The following PARD3B variants were observed in gnomAD, a reference collection of about 807,000 sequenced individuals.
PARD3B encodes the protein par-3 family cell polarity regulator beta.
PARD3B carries 103 observed loss-of-function variants against 130.2 expected under a neutral mutation model. The observed-to-expected ratio is 0.79, with a 90% CI of 0.67 to 0.93. The LOEUF (loss-of-function observed/expected upper bound fraction) is 0.93, where lower values mean the gene tolerates loss of function less well. PARD3B is among the 40% of genes least tolerant of loss of function. The probability of loss-of-function intolerance (pLI) is 0.00; values close to 1 mark genes in which losing one functional copy is unlikely to be tolerated. For synonymous variants in PARD3B, 583 were observed against 553.2 expected (o/e 1.05, Z -0.76); for missense variants, 1,609 against 1,499.2 (o/e 1.07, Z -1.21).
At chr2:204,639,385 A>T (rs542557094) in intron 1 of PARD3B, among the ~76,000 whole-genome samples, 2 of 152,154 alleles carry the variant, frequency 1.3e-5, no homozygotes, top group South Asian at 4.1e-4. Context: ...TTGTTCAGGT[A>T]CTAAATATGT....
In PARD3B at chr2:205,113,576, A is replaced by G. The variant is rs1282440922; in HGVS notation, c.679A>G (p.Arg227Gly). 5 of 1,609,032 alleles carry G rather than the reference A, an allele frequency of 3.1e-6. No individual in the cohort carries two copies. Among genetic ancestry groups the G allele is most frequent in the Non-Finnish European group, 4.2e-6 (5 of 1,176,666 alleles). ...VVPFFSSLSG[R>G]ILGLFIRGIE... Reference sequence around the variant, plus strand: ...GCCCTTCTTTTCATCTCTGAGTGGAAGGTAAGATGTTTTTCTCATTCCAGA... The same window carrying G: ...GCCCTTCTTTTCATCTCTGAGTGGAGGGTAAGATGTTTTTCTCATTCCAGA... The change falls in exon 6 of 23, where the codon AGG becomes GGG. Residue 227 changes from arginine to glycine, a missense_variant and splice_region_variant. By Grantham distance (125) the Arg-to-Gly change is moderately radical. Transcript: ENST00000406610.
chr2:205,505,381 A>G (rs2050320669), intron 21 of PARD3B, among the ~76,000 whole-genome samples: 1 of 130,974 alleles, frequency 7.6e-6, no homozygotes, highest in Admixed American at 8.5e-5. Context: ...CCTAAAACTT[A>G]AATAATAAAA....
At chr2:205,097,885 A>G (rs905009229) in intron 4 of PARD3B, among the ~76,000 whole-genome samples, 3 of 151,944 alleles carry the variant, frequency 2.0e-5, no homozygotes, top group African/African-American at 4.8e-5. Flanking sequence ...ATTAATTGCT[A>G]AGACTGAAAC....
intron 2 of PARD3B, among the ~76,000 whole-genome samples, chr2:204,868,578 G>A (rs1400648091): frequency 1.3e-5 from 2 of 152,100 alleles, no homozygotes; most frequent in African/African-American, 2.4e-5. Flanking sequence ...CGTGAAACCC[G>A]GAGAATTTGA....
rs1486823329 is a variant in PARD3B at position 204,678,879 on chromosome 2, G to C, written c.121-7302G>C. On this transcript the variant is annotated intron_variant, in intron 1 of 22. Transcript: ENST00000406610. The surrounding 1 kb of genome is among the most constrained non-coding windows in gnomAD (Gnocchi z 4.2). ...TCTATCCAGTATTTCCCTGCCTCCT[G>C]TCGGTATCGCTAACATACAGATCAA... 6.6e-6 allele frequency among the ~76,000 whole-genome samples: 1 copy of C among 152,124 alleles called. No individual in the cohort carries two copies. Among genetic ancestry groups the C allele is most frequent in the Admixed American group, 6.5e-5 (1 of 15,274 alleles).
chr2:205,369,635 A>C (rs1168442235), intron 18 of PARD3B, among the ~76,000 whole-genome samples: 1 of 152,218 alleles, frequency 6.6e-6, no homozygotes, highest in East Asian at 1.9e-4. Flanking sequence ...TTCAAGACCC[A>C]GGTCAAGTCC....
intron 2 of PARD3B, among the ~76,000 whole-genome samples, chr2:204,764,864 C>A (rs1395741852): frequency 6.6e-6 from 1 of 152,038 alleles, no homozygotes; most frequent in African/African-American, 2.4e-5. Context: ...TCCCTCCTCC[C>A]TCCTGCGCTG....
intron 15 of PARD3B, among the ~76,000 whole-genome samples, chr2:205,237,612 A>G (rs1157793844): frequency 1.3e-5 from 2 of 152,154 alleles, no homozygotes; most frequent in South Asian, 2.1e-4. Context: ...TTTTAGAAAT[A>G]TAGTGTGATT....
At chr2:205,204,581 A>C (rs1279779703) in intron 15 of PARD3B, among the ~76,000 whole-genome samples, 1 of 152,108 alleles carries the variant, frequency 6.6e-6, no homozygotes, top group African/African-American at 2.4e-5. Context: ...TTATGGTTTT[A>C]GGCATTATTT....
intron 16 of PARD3B, among the ~76,000 whole-genome samples, chr2:205,284,617 G>C (rs978548374): frequency 6.6e-6 from 1 of 152,088 alleles, no homozygotes; most frequent in Non-Finnish European, 1.5e-5. Context: ...AAACAATCCT[G>C]CTTTGCTTCC....
In PARD3B at chr2:205,047,755, G is replaced by C. The variant is rs559613747; in HGVS notation, c.504+65G>C. The C allele has an allele frequency of 1.5e-5, 18 of 1,207,106 alleles. No individual in the cohort carries two copies. The East Asian group carries it at 1.5e-4, about 10-fold the overall frequency. The allele number at this position is 1,207,106 out of a possible 1,614,324, so 74.8% of individuals were successfully genotyped here. A position where few individuals can be genotyped will look rare whatever the true frequency, so the allele number is the denominator to read the frequency against. ...AGTGCTGTACCCATAGGTTAAGTGG[G>C]ACTTTGCAGTTTTAAACACATTGAT... On this transcript the variant is annotated intron_variant, in intron 4 of 22. Transcript: ENST00000406610.
intron 2 of PARD3B, among the ~76,000 whole-genome samples, chr2:204,788,955 A>T (rs1409216957): frequency 6.6e-6 from 1 of 152,142 alleles, no homozygotes; most frequent in South Asian, 2.1e-4. Flanking sequence ...AGATTTTTAG[A>T]ACTTTAGACG....
chr2:205,395,910 G>A (rs375739810), intron 18 of PARD3B, among the ~76,000 whole-genome samples: 12 of 152,112 alleles, frequency 7.9e-5, no homozygotes, highest in African/African-American at 2.2e-4. Context: ...GCTTCTCTGC[G>A]CCTTGAATGA....
chr2:205,423,358 C>A (rs528255537), intron 19 of PARD3B, among the ~76,000 whole-genome samples: 2 of 152,290 alleles, frequency 1.3e-5, no homozygotes, highest in Non-Finnish European at 1.5e-5. Context: ...AGTTTGCAGA[C>A]CTGACGGACA....
intron 1 of PARD3B, among the ~76,000 whole-genome samples, chr2:204,612,243 G>GC (rs896359276): frequency 6.6e-6 from 1 of 152,210 alleles, no homozygotes; most frequent in African/African-American, 2.4e-5. Context: ...GCCACCAGTG[G>GC]CCCGACTTTT....
chr2:205,394,869 A>G (rs1347294885), intron 18 of PARD3B, among the ~76,000 whole-genome samples: 7 of 152,200 alleles, frequency 4.6e-5, no homozygotes, highest in African/African-American at 1.7e-4. Flanking sequence ...TACTATATGT[A>G]GAGTGGGTAC....
At chr2:205,000,972 C>T (rs985596093) in intron 3 of PARD3B, among the ~76,000 whole-genome samples, 19 of 151,800 alleles carry the variant, frequency 1.3e-4, no homozygotes, top group Non-Finnish European at 2.1e-4. Flanking sequence ...ATTGCTTTTA[C>T]GAGGTGTTTT....
chr2:205,008,948 C>T (rs1695494095), intron 3 of PARD3B, among the ~76,000 whole-genome samples: 1 of 151,998 alleles, frequency 6.6e-6, no homozygotes, highest in African/African-American at 2.4e-5. Context: ...ACCATCCAGG[C>T]TACACTGTGA....
chr2:204,994,141 T>C (rs1471114251), intron 3 of PARD3B, among the ~76,000 whole-genome samples: 3 of 144,532 alleles, frequency 2.1e-5, no homozygotes, highest in Non-Finnish European at 3.1e-5. Context: ...GTGTTTGCTC[T>C]TGCTTTTCTA....
Sources: gnomAD v4.1 joint callset for allele counts (sites outside exome capture counted in the v4.1 genomes callset) on GRCh38, gnomAD v4.1.1 for gene constraint, Gnocchi (gnomAD v3.1) non-coding constraint, MANE v1.5 for transcripts, NCBI Gene and HGNC (gene_info 2026-07-23, HGNC 2026-07-21) for gene names.